SPATA17: variants seen among roughly 807,000 people sequenced by gnomAD.
SPATA17 encodes spermatogenesis-associated protein 17.
SPATA17 carries 53 observed loss-of-function variants against 62.2 expected under a neutral mutation model. The observed-to-expected ratio is 0.85, with a 90% CI of 0.68 to 1.07. SPATA17 has a LOEUF of 1.07. Ranked by LOEUF, SPATA17 falls within the 50% of genes least tolerant of loss-of-function variation. The probability of loss-of-function intolerance (pLI) is 0.00; values close to 1 mark genes in which losing one functional copy is unlikely to be tolerated. For missense variants in SPATA17, 466 were observed against 425.5 expected (o/e 1.10, Z -0.84); for synonymous variants, 146 against 146.8 (o/e 0.99, Z 0.04).
intron 5 of SPATA17, among the ~76,000 whole-genome samples, chr1:217,727,283 T>C (rs1672286729): frequency 6.9e-6 from 1 of 145,336 alleles, no homozygotes; most frequent in Non-Finnish European, 1.5e-5. Context: ...ATAATAATAA[T>C]AATAACAACA....
intron 1 of SPATA17, among the ~76,000 whole-genome samples, chr1:217,647,022 C>A (rs1471927422): frequency 6.6e-6 from 1 of 152,200 alleles, no homozygotes; most frequent in Non-Finnish European, 1.5e-5. Flanking sequence ...GCTTTCTCCA[C>A]AGTGGTATCT....
intron 8 of SPATA17, among the ~76,000 whole-genome samples, chr1:217,790,815 G>T (rs1294061804): frequency 6.6e-6 from 1 of 152,196 alleles, no homozygotes; most frequent in Non-Finnish European, 1.5e-5. Flanking sequence ...TGTGGGAAAG[G>T]TTAAGAAACA....
intron 3 of SPATA17, among the ~76,000 whole-genome samples, chr1:217,657,377 C>T (rs1429093863): frequency 6.6e-6 from 1 of 152,160 alleles, no homozygotes; most frequent in African/African-American, 2.4e-5. Flanking sequence ...GCTCTGCCCA[C>T]CTTCCACCAA....
intron 5 of SPATA17, among the ~76,000 whole-genome samples, chr1:217,734,993 T>A (rs1226788741): frequency 1.3e-5 from 2 of 152,162 alleles, no homozygotes. Context: ...CTACCCCCGC[T>A]TCCCAACAGA....
intron 5 of SPATA17, among the ~76,000 whole-genome samples, chr1:217,698,820 A>T (rs182742878): frequency 2.0e-5 from 3 of 152,144 alleles, no homozygotes; most frequent in Admixed American, 6.5e-5. Flanking sequence ...CATCTCCCTA[A>T]ATATCCCTTA....
At chr1:217,745,718 A>G (rs1295469721) in intron 6 of SPATA17, among the ~76,000 whole-genome samples, 8 of 152,016 alleles carry the variant, frequency 5.3e-5, no homozygotes. Context: ...GTATATATAA[A>G]TATATACTAT....
intron 9 of SPATA17, 24 bp from the exon 10 acceptor site, chr1:217,862,749 TA>T: frequency 6.7e-7 from 1 of 1,487,160 alleles, no homozygotes; most frequent in Non-Finnish European, 9.3e-7. Flanking sequence ...ATCTCTGTGG[TA>T]ATCTTTGAAC....
intron 1 of SPATA17, among the ~76,000 whole-genome samples, chr1:217,632,238 A>G (rs997567384): frequency 2.0e-5 from 3 of 152,140 alleles, no homozygotes; most frequent in Non-Finnish European, 2.9e-5. Context: ...TGTCTAAACC[A>G]TTCTGACACG....
intron 9 of SPATA17, among the ~76,000 whole-genome samples, chr1:217,845,820 T>C (rs1445200971): frequency 6.6e-6 from 1 of 152,084 alleles, no homozygotes; most frequent in Non-Finnish European, 1.5e-5. Flanking sequence ...GTGGAGATAA[T>C]TATTTGATCA....
At chr1:217,681,706 A>G (rs1671089150) in intron 4 of SPATA17, among the ~76,000 whole-genome samples, 1 of 152,112 alleles carries the variant, frequency 6.6e-6, no homozygotes. Context: ...CATGTTTAAT[A>G]TCTTAAATTG....
intron 6 of SPATA17, among the ~76,000 whole-genome samples, chr1:217,756,661 A>T (rs12134557): frequency 6.6e-6 from 1 of 151,964 alleles, no homozygotes; most frequent in Admixed American, 6.6e-5. Context: ...GTTTCTTCAG[A>T]GATCAGGAGG....
chr1:217,720,173 A>G (rs574819573), intron 5 of SPATA17, among the ~76,000 whole-genome samples: 103 of 152,354 alleles, frequency 6.8e-4, no homozygotes, highest in African/African-American at 2.3e-3. Flanking sequence ...TATACAAATT[A>G]GTAAAGGTAA....
intron 9 of SPATA17, among the ~76,000 whole-genome samples, chr1:217,853,481 C>A (rs1422113604): frequency 6.6e-6 from 1 of 151,946 alleles, no homozygotes; most frequent in Non-Finnish European, 1.5e-5. Context: ...TTACTCGTAT[C>A]CCAGGAGTCA....
At chr1:217,710,328 T>C (rs768201765) in intron 5 of SPATA17, among the ~76,000 whole-genome samples, 1 of 150,402 alleles carries the variant, frequency 6.6e-6, no homozygotes, top group South Asian at 2.1e-4. Context: ...AATGAGAAAC[T>C]AACTACAGAG....
At chr1:217,644,918 AT>A (rs1473935088) in intron 1 of SPATA17, among the ~76,000 whole-genome samples, 2 of 152,070 alleles carry the variant, frequency 1.3e-5, no homozygotes, top group Admixed American at 1.3e-4. Flanking sequence ...TTTCATTGTA[AT>A]TTGGAACTAA....
intron 5 of SPATA17, among the ~76,000 whole-genome samples, chr1:217,718,854 CA>C (rs1255994781): frequency 1.3e-5 from 2 of 151,994 alleles, no homozygotes; most frequent in Non-Finnish European, 2.9e-5. Context: ...AACAAACAAA[CA>C]AACAAACAAA....
At chr1:217,769,539 T>G (rs1226703805) in intron 6 of SPATA17, among the ~76,000 whole-genome samples, 5 of 152,360 alleles carry the variant, frequency 3.3e-5, no homozygotes, top group Non-Finnish European at 7.4e-5. Flanking sequence ...CTGGAGTTCT[T>G]GGAAGAGCTC....
At chr1:217,721,801 C>G (rs762653242) in intron 5 of SPATA17, among the ~76,000 whole-genome samples, 23 of 152,140 alleles carry the variant, frequency 1.5e-4, no homozygotes, top group Non-Finnish European at 2.5e-4. Flanking sequence ...GGAACCATCC[C>G]TTATTGTCTC....
intron 9 of SPATA17, 44 bp downstream of exon 9, chr1:217,801,894 C>G (rs890095662): frequency 6.5e-7 from 1 of 1,528,864 alleles, no homozygotes; most frequent in African/African-American, 1.4e-5. Context: ...TTTTTAAAAG[C>G]TAGAAATATA....
Sources: allele counts gnomAD v4.1 joint callset (sites outside exome capture counted in the v4.1 genomes callset), GRCh38; gene constraint gnomAD v4.1.1; transcripts MANE v1.5; gene names NCBI Gene and HGNC (gene_info 2026-07-23, HGNC 2026-07-21).